Variants in CD2AP observed in about 807,000 individuals in gnomAD.
CD2AP encodes CD2-associated protein.
Under a neutral mutation model 85.1 loss-of-function variants are expected in CD2AP, and 46 were observed. The ratio of observed to expected loss-of-function variants is 0.54; its 90% confidence interval spans 0.43 to 0.69. CD2AP has a LOEUF of 0.69. CD2AP is among the 30% of genes least tolerant of loss of function. The pLI, the probability that CD2AP is intolerant of heterozygous loss-of-function variation, is 0.00. For synonymous variants in CD2AP, 255 were observed against 252.9 expected (o/e 1.01, Z -0.08); for missense variants, 769 against 729.5 (o/e 1.05, Z -0.62).
At chr6:47,545,232 T>A (rs1039633259) in intron 4 of CD2AP, 1 of 154,960 alleles carries the variant, frequency 6.5e-6, no homozygotes, top group African/African-American at 2.4e-5. Context: ...GAACTTTTGC[T>A]CCAGAACGAC....
At position 47,609,189 on chromosome 6, in the gene CD2AP, T is replaced by G; in HGVS notation, c.1699T>G (p.Leu567Val). ...KANTTAFLTP[L>V]EIKAKVETDD... ...AAATACAACTGCTTTCCTGACTCCA[T>G]TAGAAATCAAAGCTAAAGTGGAAAC... The change falls in exon 16 of 18, where the codon TTA becomes GTA. Residue 567 changes from leucine to valine, a missense_variant. By Grantham distance (32) the Leu-to-Val change is conservative. Transcript: ENST00000359314. 1 of 1,613,344 alleles carries G rather than the reference T, an allele frequency of 6.2e-7. No homozygotes were observed.
intron 13 of CD2AP, among the ~76,000 whole-genome samples, chr6:47,605,469 A>T (rs924239396): frequency 1.3e-5 from 2 of 151,950 alleles, no homozygotes; most frequent in African/African-American, 4.8e-5. Context: ...GATGATGAGG[A>T]AGTAAGTTGG....
intron 1 of CD2AP, among the ~76,000 whole-genome samples, chr6:47,499,018 A>C (rs1364065378): frequency 6.6e-6 from 1 of 152,200 alleles, no homozygotes; most frequent in African/African-American, 2.4e-5. Context: ...TTGATGCTCA[A>C]AATGTCCTGA....
chr6:47,555,520 A>C (rs561969975), intron 5 of CD2AP, among the ~76,000 whole-genome samples: 2 of 152,298 alleles, frequency 1.3e-5, no homozygotes, highest in South Asian at 2.1e-4. Context: ...TTAGGAGTAG[A>C]TCATAACCTT....
chr6:47,509,739 G>A (rs1467561051), intron 2 of CD2AP, among the ~76,000 whole-genome samples: 3 of 152,192 alleles, frequency 2.0e-5, no homozygotes, highest in African/African-American at 7.2e-5. Flanking sequence ...TTTGCTGGCA[G>A]TGTGGTATTA....
chr6:47,500,597 T>C (rs1765973152), intron 1 of CD2AP, among the ~76,000 whole-genome samples: 1 of 152,214 alleles, frequency 6.6e-6, no homozygotes, highest in Admixed American at 6.5e-5. Context: ...GTTTGATGAA[T>C]CCAGCAAAGA....
chr6:47,524,742 A>G (rs1286402607), intron 2 of CD2AP, among the ~76,000 whole-genome samples: 1 of 152,164 alleles, frequency 6.6e-6, no homozygotes, highest in African/African-American at 2.4e-5. Context: ...CCTTCTCTGA[A>G]TACAGGAGGA....
At chr6:47,600,649 A>G (rs900070806) in intron 13 of CD2AP, among the ~76,000 whole-genome samples, 7 of 152,064 alleles carry the variant, frequency 4.6e-5, no homozygotes, top group African/African-American at 9.6e-5. Context: ...TTTATTCGGT[A>G]TGTTTTATAT....
At chr6:47,601,635 C>T (rs541176914) in intron 13 of CD2AP, among the ~76,000 whole-genome samples, 6 of 151,992 alleles carry the variant, frequency 3.9e-5, no homozygotes, top group South Asian at 2.1e-4. Context: ...TTAAATTAGA[C>T]GATCATATGT....
At chr6:47,616,082 C>CTTTTTTTTTT (rs562350159) in intron 17 of CD2AP, among the ~76,000 whole-genome samples, 1,174 of 63,708 alleles carry the variant, frequency 0.018, 154 homozygotes, top group Non-Finnish European at 0.024. Context: ...TGCGCCTGGC[C>CTTTTTTTTTT]TTTTTTTTTT....
chr6:47,505,472 C>A (rs1374553364), intron 2 of CD2AP, among the ~76,000 whole-genome samples: 2 of 150,954 alleles, frequency 1.3e-5, no homozygotes, highest in Non-Finnish European at 3.0e-5. Context: ...CAATCTCTTC[C>A]CCGCCTTTCC....
Position 47,543,770 on chromosome 6 carries a change from T to A in CD2AP, c.320-836T>A, listed in dbSNP as rs1239249064. ...CACTATTGCCAGACACATTGGGTGT[T>A]AGGGTTTCAATATATGAATTTCGAG... On this transcript the variant is annotated intron_variant, in intron 3 of 17. Coordinates refer to ENST00000359314, the MANE Select transcript of CD2AP (RefSeq NM_012120.3). Among the ~76,000 whole-genome samples, 4 of 152,350 alleles carry A rather than the reference T, an allele frequency of 2.6e-5. No individual in the cohort carries two copies. In the East Asian group the frequency reaches 7.7e-4, roughly 29 times the overall value.
chr6:47,490,076 A>G (rs539304333), intron 1 of CD2AP, among the ~76,000 whole-genome samples: 13 of 151,558 alleles, frequency 8.6e-5, no homozygotes, highest in Non-Finnish European at 1.8e-4. Context: ...CCTGGGGTCA[A>G]GTAATCCTTC....
Position 47,598,272 on chromosome 6 carries a change from T to C in CD2AP, c.1275-1029T>C, listed in dbSNP as rs188897621. Among the ~76,000 whole-genome samples the C allele has an allele frequency of 2.0e-3, 299 of 150,864 alleles. 5 individuals carry two copies. Among genetic ancestry groups the C allele is most frequent in the African/African-American group, 6.9e-3 (286 of 41,384 alleles). Reference sequence around the variant, plus strand: ...ATAATAGATGTTAGCATGGATGCAGTGAAAAGGGAACACTTGTACACTGCT... The same window carrying C: ...ATAATAGATGTTAGCATGGATGCAGCGAAAAGGGAACACTTGTACACTGCT... On this transcript the variant is annotated intron_variant, in intron 12 of 17. Transcript: ENST00000359314.
chr6:47,527,788 C>T (rs942194719), intron 2 of CD2AP, among the ~76,000 whole-genome samples: 1 of 152,104 alleles, frequency 6.6e-6, no homozygotes, highest in African/African-American at 2.4e-5. Flanking sequence ...GCCAGTGGCC[C>T]TGCCCTGGAT....
chr6:47,613,127 T>C (rs911227717), intron 17 of CD2AP, among the ~76,000 whole-genome samples: 4 of 152,216 alleles, frequency 2.6e-5, no homozygotes, highest in African/African-American at 9.7e-5. Context: ...TCTTCAGTTC[T>C]TTTCTCCACT....
At chr6:47,505,649 C>T (rs1297474160) in intron 2 of CD2AP, among the ~76,000 whole-genome samples, 54 of 104,604 alleles carry the variant, frequency 5.2e-4, no homozygotes, top group Middle Eastern at 5.8e-3. Flanking sequence ...CCCTCCCGGA[C>T]GGGGCGGCTG....
At chr6:47,497,202 C>T (rs1186987748) in intron 1 of CD2AP, among the ~76,000 whole-genome samples, 1 of 151,688 alleles carries the variant, frequency 6.6e-6, no homozygotes, top group Non-Finnish European at 1.5e-5. Context: ...TTCCTTTCCC[C>T]TTTTTGCTTT....
At chr6:47,527,895 C>T (rs543442175) in intron 2 of CD2AP, among the ~76,000 whole-genome samples, 15 of 152,240 alleles carry the variant, frequency 9.9e-5, no homozygotes, top group Non-Finnish European at 8.8e-5. Flanking sequence ...AAAATCAAGT[C>T]GTCGTCTTTA....
Sources: allele counts gnomAD v4.1 joint callset (sites outside exome capture counted in the v4.1 genomes callset), GRCh38; gene constraint gnomAD v4.1.1; transcripts MANE v1.5; gene names NCBI Gene and HGNC (gene_info 2026-07-23, HGNC 2026-07-21).